Variants in SLC13A1 observed in about 807,000 individuals in gnomAD.
SLC13A1 encodes solute carrier family 13 member 1, also known as Na(+)/sulfate cotransporter.
SLC13A1 carries 65 observed loss-of-function variants against 70.0 expected under a neutral mutation model. That is an observed-to-expected ratio of 0.93 (90% CI 0.76 to 1.14). SLC13A1 has a LOEUF of 1.14. SLC13A1 is among the 50% of genes most tolerant of loss of function. SLC13A1 has a pLI of 0.00. For synonymous variants in SLC13A1, 275 were observed against 250.5 expected (o/e 1.10, Z -0.92); for missense variants, 726 against 717.8 (o/e 1.01, Z -0.13).
chr7:123,125,613 A>G lies in SLC13A1; in HGVS notation c.1196T>C (p.Ile399Thr), dbSNP rs773157840. Reference sequence around the variant, plus strand: ...AGTTTTAGTCAGTGTCTTAGCTGGGATAAGAAAGAATAGCAGCCCTATAAG... The same window carrying G: ...AGTTTTAGTCAGTGTCTTAGCTGGGGTAAGAAAGAATAGCAGCCCTATAAG... ...ALLIGLLFFL[I>T]PAKTLTKTTP... is the part of the protein sequence containing the mutation. The change falls in exon 11 of 15, where the codon ATC becomes ACC. Residue 399 changes from isoleucine (I) to threonine (T), a missense_variant. Physicochemically the swap from Ile to Thr is moderately conservative, Grantham distance 89. Coordinates refer to ENST00000194130, the MANE Select transcript of SLC13A1 (RefSeq NM_022444.4). The G allele has an allele frequency of 2.5e-6, 4 of 1,613,308 alleles. No individual in the cohort carries two copies. The highest frequency in any genetic ancestry group is 1.7e-4 in the Middle Eastern group (1 of 6,052).
In SLC13A1 at chr7:123,168,558, C is replaced by G. The variant is rs756066527; in HGVS notation, c.557G>C (p.Ser186Thr). The change falls in exon 5 of 15, where the codon AGT becomes ACT. Residue 186 changes from serine to threonine, a missense_variant. Ser to Thr is a moderately conservative substitution (Grantham distance 58, BLOSUM62 1). Transcript: ENST00000194130. ...STNHGLEIDESVNGHEINERK... is the reference protein window; with the variant it reads ...STNHGLEIDETVNGHEINERK... ...CTCATTTATTTCATGTCCATTAACA[C>G]TTTCTGCAAAACATTAAATAAAAGA... is the stretch of plus-strand genomic sequence containing the variant. The G allele has an allele frequency of 1.2e-6, 2 of 1,604,698 alleles. No individual in the cohort carries two copies. The highest frequency in any genetic ancestry group is 1.7e-5 in the Admixed American group (1 of 59,850).
chr7:123,147,968 G>T (rs1272773414), intron 6 of SLC13A1, among the ~76,000 whole-genome samples: 1 of 151,590 alleles, frequency 6.6e-6, no homozygotes, highest in East Asian at 2.0e-4. Context: ...TTTAAGAAGG[G>T]TTTCCCCATC....
intron 6 of SLC13A1, among the ~76,000 whole-genome samples, chr7:123,150,309 A>G (rs1034292369): frequency 2.0e-5 from 3 of 152,088 alleles, no homozygotes; most frequent in Admixed American, 6.6e-5. Flanking sequence ...GTAGAAACCT[A>G]CTTGCATTTG....
intron 7 of SLC13A1, among the ~76,000 whole-genome samples, chr7:123,144,400 C>T (rs934216629): frequency 6.6e-6 from 1 of 152,094 alleles, no homozygotes; most frequent in Non-Finnish European, 1.5e-5. Context: ...AGCAGATGAG[C>T]TAAGCACTTT....
chr7:123,115,499 G>C lies in SLC13A1; in HGVS notation c.*19C>G. The C allele has an allele frequency of 6.2e-7, 1 of 1,601,912 alleles. No homozygotes were observed. The highest frequency in any genetic ancestry group is 1.3e-5 in the African/African-American group (1 of 74,756). ...GTCTTCCAGAAATTACCGCAAGATA[G>C]TCAGAAATTTTGTGCTTATTATGGC... On this transcript the variant is annotated 3_prime_UTR_variant, in exon 15 of 15. Transcript: ENST00000194130.
At chr7:123,152,612 C>T (rs923983601) in intron 6 of SLC13A1, among the ~76,000 whole-genome samples, 1 of 152,060 alleles carries the variant, frequency 6.6e-6, no homozygotes, top group Non-Finnish European at 1.5e-5. Flanking sequence ...CACTAAAAGT[C>T]ATCATAGATA....
At chr7:123,157,843 G>A (rs1177216717) in intron 6 of SLC13A1, among the ~76,000 whole-genome samples, 1 of 151,980 alleles carries the variant, frequency 6.6e-6, no homozygotes, top group Admixed American at 6.6e-5. Context: ...TATTGCTCCA[G>A]GCCAAATGTG....
intron 2 of SLC13A1, among the ~76,000 whole-genome samples, chr7:123,178,905 T>C (rs1453797161): frequency 6.6e-6 from 1 of 152,200 alleles, no homozygotes; most frequent in Non-Finnish European, 1.5e-5. Context: ...GAATGATCTA[T>C]TCACTTTTGT....
intron 2 of SLC13A1, among the ~76,000 whole-genome samples, chr7:123,172,924 G>T (rs1261073873): frequency 6.6e-6 from 1 of 151,954 alleles, no homozygotes. Context: ...TAAAGAGGGG[G>T]ATATCATATA....
chr7:123,191,504 G>A (rs1325842535), intron 1 of SLC13A1, among the ~76,000 whole-genome samples: 1 of 152,120 alleles, frequency 6.6e-6, no homozygotes, highest in East Asian at 1.9e-4. Context: ...TGGAGAAAGA[G>A]CTTGGGAAGG....
chr7:123,139,992 A>T (rs1004911132), intron 7 of SLC13A1, among the ~76,000 whole-genome samples: 1 of 152,002 alleles, frequency 6.6e-6, no homozygotes, highest in Non-Finnish European at 1.5e-5. Flanking sequence ...CATGCTGCAG[A>T]TCTTAGAGAA....
intron 6 of SLC13A1, among the ~76,000 whole-genome samples, chr7:123,153,705 ATAG>A (rs1794630061): frequency 1.3e-5 from 2 of 152,236 alleles, no homozygotes; most frequent in South Asian, 2.1e-4. Flanking sequence ...TTCTGCCTAG[ATAG>A]TAGTTTCAGC....
Position 123,181,082 on chromosome 7 carries a change from G to T in SLC13A1, c.119C>A (p.Thr40Lys), listed in dbSNP as rs774874648. 1.2e-6 allele frequency: 2 copies of T among 1,612,426 alleles called. No homozygotes were observed. Among genetic ancestry groups the T allele is most frequent in the East Asian group, 4.5e-5 (2 of 44,830 alleles). ...CCAAAATGTGGCGACCACAAAGAGTGTGTAGGCACATTCTGCTTCCTGGTA... is the reference window on the plus strand; with the variant it reads ...CCAAAATGTGGCGACCACAAAGAGTTTGTAGGCACATTCTGCTTCCTGGTA... ...LHTKEAECAY[T>K]LFVVATFWLT... The change falls in exon 2 of 15, where the codon ACA becomes AAA. Residue 40 changes from threonine (T) to lysine (K), a missense_variant. Transcript: ENST00000194130.
intron 6 of SLC13A1, among the ~76,000 whole-genome samples, chr7:123,156,295 G>C (rs1479527705): frequency 6.6e-6 from 1 of 151,998 alleles, no homozygotes. Context: ...ATTTGTTCTT[G>C]TTTTAATGAA....
chr7:123,148,721 T>C (rs1290661237), intron 6 of SLC13A1: 1 of 252,710 alleles, frequency 4.0e-6, no homozygotes, highest in Non-Finnish European at 7.9e-6. Context: ...AATTTTAAAC[T>C]TAAGCATTCT....
At chr7:123,178,584 G>T (rs1013311378) in intron 2 of SLC13A1, among the ~76,000 whole-genome samples, 1 of 152,104 alleles carries the variant, frequency 6.6e-6, no homozygotes, top group African/African-American at 2.4e-5. Flanking sequence ...TAAAGGACAT[G>T]ATCATAATCA....
intron 10 of SLC13A1, among the ~76,000 whole-genome samples, chr7:123,127,903 T>C (rs991239335): frequency 1.4e-5 from 2 of 144,962 alleles, no homozygotes; most frequent in Non-Finnish European, 3.0e-5. Flanking sequence ...AAGTAAGACA[T>C]GTGCTGAATT....
In SLC13A1 at chr7:123,169,276, G is replaced by A; in HGVS notation, c.425C>T (p.Ser142Leu). Reference protein sequence around the residue: ...AFLSMWLSNTSTAAMVMPIAE... With the variant: ...AFLSMWLSNTLTAAMVMPIAE... ...AATGGGCATCACCATGGCAGCCGTC[G>A]AGGTGTTGCTGAGCCACATAGACAA... The change falls in exon 4 of 15, where the codon TCG becomes TTG. Residue 142 changes from serine to leucine, a missense_variant. Ser to Leu is a moderately radical substitution (Grantham distance 145). Transcript: ENST00000194130. 2 of 1,613,820 alleles carry A rather than the reference G, an allele frequency of 1.2e-6. No individual in the cohort carries two copies. Among genetic ancestry groups the A allele is most frequent in the Non-Finnish European group, 1.7e-6 (2 of 1,179,990 alleles).
At chr7:123,146,037 C>A (rs143506029) in intron 7 of SLC13A1, among the ~76,000 whole-genome samples, 154 of 152,188 alleles carry the variant, frequency 1.0e-3, no homozygotes, top group African/African-American at 3.6e-3. Context: ...ATTATCTGTT[C>A]TTTTAGTAGA....
Sources: gnomAD v4.1 joint callset for allele counts (sites outside exome capture counted in the v4.1 genomes callset) on GRCh38, gnomAD v4.1.1 for gene constraint, MANE v1.5 for transcripts, NCBI Gene and HGNC (gene_info 2026-07-23, HGNC 2026-07-21) for gene names.